DYNC1H1: variants seen among roughly 807,000 people sequenced by gnomAD.
The protein encoded by DYNC1H1 is dynein cytoplasmic 1 heavy chain 1, also known as cytoplasmic dynein 1 heavy chain 1.
A neutral mutation model predicts 527.1 loss-of-function variants in DYNC1H1; 51 were observed. The observed-to-expected ratio is 0.10, with a 90% CI of 0.08 to 0.12. DYNC1H1 has a LOEUF of 0.12. Ranked by LOEUF, DYNC1H1 falls within the 10% of genes least tolerant of loss-of-function variation. The pLI is 1.00. For missense variants in DYNC1H1, 2,771 were observed against 5,971.8 expected (o/e 0.46, Z 17.66); for synonymous variants, 2,189 against 2,278.8 (o/e 0.96, Z 1.12).
chr14:102,050,111 G>A lies in DYNC1H1; in HGVS notation c.13725G>A (p.Leu4575=), dbSNP rs200002869. The change falls in exon 77 of 78, where the codon CTG becomes CTA. Residue 4575 remains leucine, a synonymous_variant. Coordinates refer to ENST00000360184, the MANE Select transcript of DYNC1H1 (RefSeq NM_001376.5). The part of the protein sequence containing the change: ...LQGATCNNNK[L]SLSNAISTAL... ...GGGCCACGTGCAACAACAACAAGCT[G>A]TCACTGTCCAATGCCATCTCAACCG... is the stretch of plus-strand genomic sequence containing the variant. The A allele has an allele frequency of 2.2e-5, 34 of 1,577,030 alleles. No homozygotes were observed. Among genetic ancestry groups the A allele is most frequent in the Non-Finnish European group, 2.7e-5 (32 of 1,170,182 alleles).
chr14:101,997,538 A>G lies in DYNC1H1; in HGVS notation c.3804+264A>G, dbSNP rs1466604043. 1.3e-5 allele frequency among the ~76,000 whole-genome samples: 2 copies of G among 152,208 alleles called. No homozygotes were observed. Among genetic ancestry groups the G allele is most frequent in the African/African-American group, 4.8e-5 (2 of 41,452 alleles). ...GTTCTTAGATCATTCTCTTACGTAG[A>G]TATGCGCAGAAATTAGAGTTTAATT... On this transcript the variant is annotated intron_variant, in intron 16 of 77. Coordinates refer to ENST00000360184, the MANE Select transcript of DYNC1H1 (RefSeq NM_001376.5). The surrounding 1 kb of genome is among the most constrained non-coding windows in gnomAD (Gnocchi z 4.8).
Position 102,019,197 on chromosome 14 carries a change from G to A in DYNC1H1, c.8343+581G>A, listed in dbSNP as rs569256074. ...CTGCCAGATTGCTCTCAAGATGGTT[G>A]GACCAGCTACGCCTCCACCAGCAGC... is the stretch of plus-strand genomic sequence containing the variant. On this transcript the variant is annotated intron_variant, in intron 41 of 77. Transcript: ENST00000360184. 3.9e-5 allele frequency among the ~76,000 whole-genome samples: 6 copies of A among 152,322 alleles called. No individual in the cohort carries two copies. In the South Asian group the frequency reaches 8.3e-4, roughly 21 times the overall value.
At chr14:102,006,253 TTTTG>T in intron 27 of DYNC1H1, 83 bp downstream of exon 27, 3 of 1,581,576 alleles carry the variant, frequency 1.9e-6, no homozygotes, top group Non-Finnish European at 2.6e-6. Context: ...ATGTACTTCT[TTTTG>T]AGATGGAGTG....
intron 51 of DYNC1H1, 113 bp from the exon 52 acceptor site, chr14:102,032,159 C>A: frequency 7.8e-7 from 1 of 1,278,344 alleles, no homozygotes; most frequent in Non-Finnish European, 1.1e-6. Flanking sequence ...AAGCAGCTAG[C>A]TGTCCTTTCT....
Position 101,964,586 on chromosome 14 carries a change from C to T in DYNC1H1, c.-106C>T, listed in dbSNP as rs2047639202. ...CCCGCTCTCCTCAGTCTGCGGTGGGCTAGCGGACGGTCCGGCTTCCGGCGG... is the reference window on the plus strand; with the variant it reads ...CCCGCTCTCCTCAGTCTGCGGTGGGTTAGCGGACGGTCCGGCTTCCGGCGG... On this transcript the variant is annotated 5_prime_UTR_variant, in exon 1 of 78. Coordinates refer to ENST00000360184, the MANE Select transcript of DYNC1H1 (RefSeq NM_001376.5). This position sits in a 1 kb window ranked among gnomAD's most constrained non-coding sequence, Gnocchi z 5.5. 6.6e-7 allele frequency: 1 copy of T among 1,523,394 alleles called. No individual in the cohort carries two copies. The highest frequency in any genetic ancestry group is 2.0e-5 in the Admixed American group (1 of 50,560). 94.4% of individuals were successfully genotyped at this position (1,523,394 alleles called of 1,614,324 possible). A position where few individuals can be genotyped will look rare whatever the true frequency, so the allele number is the denominator to read the frequency against.
intron 69 of DYNC1H1, chr14:102,043,636 ACT>A (rs377068175): frequency 1.6e-4 from 90 of 578,558 alleles, no homozygotes; most frequent in African/African-American, 1.2e-3. Context: ...ATTCTTAGAA[ACT>A]CTGTCTTCTC....
At chr14:102,030,673 A>G (rs2048500709) in intron 51 of DYNC1H1, 1 of 280,622 alleles carries the variant, frequency 3.6e-6, no homozygotes, top group South Asian at 3.7e-5. Flanking sequence ...TGAGTGTTCT[A>G]GCTATGACCC....
At chr14:102,019,627 A>G (rs1223142075) in intron 41 of DYNC1H1, among the ~76,000 whole-genome samples, 1 of 152,160 alleles carries the variant, frequency 6.6e-6, no homozygotes. Context: ...TTGGAGACGG[A>G]GTCTCACTCT....
intron 1 of DYNC1H1, among the ~76,000 whole-genome samples, chr14:101,966,355 G>A (rs996447930): frequency 6.6e-6 from 1 of 151,880 alleles, no homozygotes; most frequent in Admixed American, 6.6e-5. Flanking sequence ...TGTTTTTGAG[G>A]GTTGTTTACT....
rs564383750 is a variant in DYNC1H1, at chr14:102,043,764, C to T, written c.12514-111C>T. 67 of 1,476,734 alleles carry T rather than the reference C, an allele frequency of 4.5e-5. No homozygotes were observed. The East Asian group carries it at 1.0e-3, about 23-fold the overall frequency. 91.5% of individuals were successfully genotyped at this position (1,476,734 alleles called of 1,614,324 possible). ...AGTACTCATGTGAATCTGCTGCCAT[C>T]GTCAGGATGTGGAGAGCTCTTTGTA... On this transcript the variant is annotated intron_variant, in intron 69 of 77. Transcript: ENST00000360184.
At position 102,048,647 on chromosome 14, in the gene DYNC1H1, G is replaced by C. The variant is rs961375016; in HGVS notation, c.13350G>C (p.Thr4450=). 3 of 1,613,548 alleles carry C rather than the reference G, an allele frequency of 1.9e-6. No homozygotes were observed. The highest frequency in any genetic ancestry group is 4.5e-5 in the East Asian group (2 of 44,874). The part of the protein sequence containing the change: ...GKKKQTNYLR[T]LINELVKGIL... ...AGAAGCAGACCAACTACTTGCGCAC[G>C]CTGATCAACGAGCTAGTGAAAGGTG... The change falls in exon 74 of 78, where the codon ACG becomes ACC. Residue 4450 remains threonine, a synonymous_variant. Coordinates refer to ENST00000360184, the MANE Select transcript of DYNC1H1 (RefSeq NM_001376.5).
Position 102,016,667 on chromosome 14 carries a change from T to C in DYNC1H1, c.7615-99T>C. On this transcript the variant is annotated intron_variant, in intron 37 of 77. Transcript: ENST00000360184. This position sits in a 1 kb window ranked among gnomAD's most constrained non-coding sequence, Gnocchi z 7.3. ...AGTGCAGATTAACCTGACCAATTAC[T>C]TCCTTGTTCTGAAAGTTCAAGTTTG... The C allele has an allele frequency of 1.3e-6, 2 of 1,538,810 alleles. No homozygotes were observed. Among genetic ancestry groups the C allele is most frequent in the Non-Finnish European group, 1.8e-6 (2 of 1,128,130 alleles).
rs770388642 is a variant in DYNC1H1, at chr14:102,012,359, C to A, written c.6903C>A (p.Ile2301=). 6.2e-7 allele frequency: 1 copy of A among 1,614,090 alleles called. No homozygotes were observed. The highest frequency in any genetic ancestry group is 1.3e-5 in the African/African-American group (1 of 74,936). ...VRGELQKRQW[I]VFDGDVDPEW... is the part of the protein sequence containing the mutation. Reference sequence around the variant, plus strand: ...GCGAGCTGCAGAAGCGCCAGTGGATCGTCTTCGATGGCGATGTGGATCCAG... The same window carrying A: ...GCGAGCTGCAGAAGCGCCAGTGGATAGTCTTCGATGGCGATGTGGATCCAG... Residue 2301 remains isoleucine, a synonymous_variant, in exon 34 of 78, where the codon ATC becomes ATA. Transcript: ENST00000360184. This position sits in a 1 kb window ranked among gnomAD's most constrained non-coding sequence, Gnocchi z 4.9.
In DYNC1H1 at chr14:102,050,610, C is replaced by T. The variant is rs1212822529; in HGVS notation, c.*47C>T. On this transcript the variant is annotated 3_prime_UTR_variant, in exon 78 of 78. Transcript: ENST00000360184. ...TGTAATAGTGAAAGTTGGTATTTAACATTTATTCATTTTTAAAATATTTGG... is the reference window on the plus strand; with the variant it reads ...TGTAATAGTGAAAGTTGGTATTTAATATTTATTCATTTTTAAAATATTTGG... The T allele has an allele frequency of 1.9e-6, 3 of 1,613,724 alleles. No individual in the cohort carries two copies. The highest frequency in any genetic ancestry group is 2.2e-5 in the East Asian group (1 of 44,870).
At position 101,994,636 on chromosome 14, in the gene DYNC1H1, A is replaced by C. The variant is rs1311301809; in HGVS notation, c.3157-37A>C. ...GGTGCCAGTATTCTACAAAATGAAA[A>C]CTCAAACTATTATTTAACTGTGTTC... On this transcript the variant is annotated intron_variant, in intron 12 of 77. Coordinates refer to ENST00000360184, the MANE Select transcript of DYNC1H1 (RefSeq NM_001376.5). The C allele has an allele frequency of 6.2e-6, 10 of 1,612,486 alleles. No individual in the cohort carries two copies. In the East Asian group the frequency reaches 2.2e-4, roughly 36 times the overall value.
At chr14:102,022,920 G>T (rs367810910) in intron 43 of DYNC1H1, 40 bp downstream of exon 43, 160 of 1,613,470 alleles carry the variant, frequency 9.9e-5, no homozygotes, top group Non-Finnish European at 1.3e-4. Flanking sequence ...TTCTTTTTCT[G>T]CCATCCCTTT....
chr14:102,027,421 T>C lies in DYNC1H1; in HGVS notation c.8925T>C (p.Asp2975=), dbSNP rs1333836442. ...ACACAGGGGAAGACTTTGATGAAGATCTACGGACAGTGTTGAGACGTTCTG... is the reference window on the plus strand; with the variant it reads ...ACACAGGGGAAGACTTTGATGAAGACCTACGGACAGTGTTGAGACGTTCTG... ...RKYTGEDFDE[D]LRTVLRRSGC... Residue 2975 remains aspartate, a synonymous_variant, in exon 46 of 78, where the codon GAT becomes GAC. Transcript: ENST00000360184. This position sits in a 1 kb window ranked among gnomAD's most constrained non-coding sequence, Gnocchi z 7.7. The C allele has an allele frequency of 1.9e-6, 3 of 1,614,142 alleles. No individual in the cohort carries two copies. The highest frequency in any genetic ancestry group is 1.7e-5 in the Admixed American group (1 of 60,012).
chr14:101,986,446 C>T lies in DYNC1H1; in HGVS notation c.2221C>T (p.Pro741Ser). The T allele has an allele frequency of 1.2e-6, 2 of 1,614,088 alleles. No homozygotes were observed. Among genetic ancestry groups the T allele is most frequent in the East Asian group, 2.2e-5 (1 of 44,878 alleles). ...GCTTAAGCTGAAAGTTAACTTTCTT[C>T]CTGAGATTATCACACTATCCAAAGA... The part of the protein sequence containing the change: ...NVLKLKVNFL[P>S]EIITLSKEVR... The change falls in exon 8 of 78, where the codon CCT (proline) becomes TCT (serine). Residue 741 changes from proline to serine, a missense_variant. Coordinates refer to ENST00000360184, the MANE Select transcript of DYNC1H1 (RefSeq NM_001376.5). The surrounding 1 kb of genome is among the most constrained non-coding windows in gnomAD (Gnocchi z 8.7).
intron 5 of DYNC1H1, 48 bp downstream of exon 5, chr14:101,980,598 TTTACGAGATC>T: frequency 6.3e-7 from 1 of 1,594,700 alleles, no homozygotes; most frequent in African/African-American, 1.3e-5. Flanking sequence ...TGATCTGGCT[TTTACGAGATC>T]TTACTTGATA....
Sources: gnomAD v4.1 joint callset for allele counts (sites outside exome capture counted in the v4.1 genomes callset) on GRCh38, gnomAD v4.1.1 for gene constraint, Gnocchi (gnomAD v3.1) non-coding constraint, MANE v1.5 for transcripts, NCBI Gene and HGNC (gene_info 2026-07-23, HGNC 2026-07-21) for gene names.